The following G6PC3 variants were observed in gnomAD, a reference collection of about 807,000 sequenced individuals.
G6PC3 encodes the protein glucose-6-phosphatase 3.
Under a neutral mutation model 38.6 loss-of-function variants are expected in G6PC3, and 30 were observed. That is an observed-to-expected ratio of 0.78 (90% confidence interval 0.58 to 1.05). G6PC3 has a LOEUF of 1.05. Ranked by LOEUF, G6PC3 falls within the 50% of genes least tolerant of loss-of-function variation. The pLI is 0.00. For missense variants in G6PC3, 377 were observed against 443.1 expected, an observed-to-expected ratio of 0.85 and a Z score of 1.34; for synonymous variants, 192 against 178.1, an observed-to-expected ratio of 1.08 and a Z score of -0.62.
chr17:44,074,081 A>G, intron 1 of G6PC3, 79 bp from the exon 2 acceptor site: 3 of 941,048 alleles, frequency 3.2e-6, no homozygotes, highest in Non-Finnish European at 5.3e-6. Flanking sequence ...CCTCCAGAGT[A>G]CTCTGTGTCC....
At chr17:44,074,114 G>A (rs1343579086) in intron 1 of G6PC3, 46 bp from the exon 2 acceptor site, 1 of 1,344,870 alleles carries the variant, frequency 7.4e-7, no homozygotes, top group Non-Finnish European at 1.1e-6. Flanking sequence ...ACCCCCCCTG[G>A]CTGTGTGTGC....
intron 1 of G6PC3, chr17:44,073,867 T>A (rs901145735): frequency 1.3e-5 from 5 of 394,204 alleles, no homozygotes; most frequent in Non-Finnish European, 2.4e-5. Context: ...GTACTGGGAT[T>A]ACAGTCATGA....
At chr17:44,071,883 C>T (rs1466596296) in intron 1 of G6PC3, 1 of 386,286 alleles carries the variant, frequency 2.6e-6, no homozygotes, top group African/African-American at 2.1e-5. Flanking sequence ...TCTCTTCTTT[C>T]TCTTTCATTC....
intron 1 of G6PC3, chr17:44,072,348 G>A (rs1333324798): frequency 5.0e-5 from 2 of 40,064 alleles, no homozygotes; most frequent in African/African-American, 2.1e-4. Context: ...TTTTTTTTTT[G>A]AGACGGAGTC....
chr17:44,073,204 C>G (rs977401344), intron 1 of G6PC3: 1 of 152,242 alleles, frequency 6.6e-6, no homozygotes, highest in South Asian at 2.1e-4. Context: ...CCATTTCCCA[C>G]CCCCATTTTC....
rs865826728 is a variant in G6PC3, at chr17:44,072,973, T to G, written c.219-1187T>G. The stretch of plus-strand genomic sequence containing the variant: ...TTTCTGTGTGAGCACTTGTTGTATA[T>G]ATACTAGGCTCAGTTTTCAGAGGGG... On this transcript the variant is annotated intron_variant, in intron 1 of 5. Coordinates refer to ENST00000269097, the MANE Select transcript of G6PC3 (RefSeq NM_138387.4). 2.0e-5 allele frequency: 3 copies of G among 152,180 alleles called. No homozygotes were observed. In the South Asian group the frequency reaches 6.2e-4, roughly 32 times the overall value. 9.4% of individuals were successfully genotyped at this position (152,180 alleles called of 1,614,324 possible).
intron 1 of G6PC3, chr17:44,071,453 A>C: frequency 1.6e-6 from 1 of 617,428 alleles, no homozygotes. Context: ...TCCCATCCTC[A>C]TCTCACACTT....
At position 44,070,940 on chromosome 17, in the gene G6PC3, G is replaced by A. The variant is rs759313249; in HGVS notation, c.-26G>A. On this transcript the variant is annotated 5_prime_UTR_variant, in exon 1 of 6. Coordinates refer to ENST00000269097, the MANE Select transcript of G6PC3 (RefSeq NM_138387.4). ...TCTGGTTTCCGCCCTGGAGCAAGCC[G>A]GGGCCTGGTCGGCAGCTGGGCCGCC... is the stretch of plus-strand genomic sequence containing the variant. The A allele has an allele frequency of 4.5e-6, 7 of 1,547,370 alleles. No individual in the cohort carries two copies. The Admixed American group carries it at 1.2e-4, about 26-fold the overall frequency.
At position 44,075,729 on chromosome 17, in the gene G6PC3, G is replaced by A. The variant is rs140785361; in HGVS notation, c.727G>A (p.Val243Met). ...GTGTGAGCGGCCTGAGTGGATACAC[G>A]TGGATAGCCGGCCCTTTGCCTCCCT... is the stretch of plus-strand genomic sequence containing the variant. ...KWCERPEWIH[V>M]DSRPFASLSR... Residue 243 changes from valine (V) to methionine (M), a missense_variant, in exon 6 of 6, where the codon GTG becomes ATG. By Grantham distance (21) the Val-to-Met change is conservative. Coordinates refer to ENST00000269097, the MANE Select transcript of G6PC3 (RefSeq NM_138387.4). 8.2e-5 allele frequency: 132 copies of A among 1,612,642 alleles called. No individual in the cohort carries two copies. The highest frequency in any genetic ancestry group is 3.3e-4 in the Middle Eastern group (2 of 6,082).
chr17:44,076,012 C>T lies in G6PC3; in HGVS notation c.1010C>T (p.Ala337Val). The change falls in exon 6 of 6, where the codon GCC (alanine) becomes GTC (valine). Residue 337 changes from alanine to valine, a missense_variant. Physicochemically the swap from Ala to Val is moderately conservative, Grantham distance 64 (BLOSUM62 0). Transcript: ENST00000269097. ...CCCTGGGCAGTGCACATGTTCAGTG[C>T]CCAGGAAGCACCGCCCATCCACTCT... is the stretch of plus-strand genomic sequence containing the variant. ...LVPWAVHMFS[A>V]QEAPPIHSS 1 of 1,613,064 alleles carries T rather than the reference C, an allele frequency of 6.2e-7. No homozygotes were observed. The highest frequency in any genetic ancestry group is 8.5e-7 in the Non-Finnish European group (1 of 1,180,002).
rs766706036 is a variant in G6PC3 at position 44,074,707 on chromosome 17, C to G, written c.353C>G (p.Thr118Arg). ...PGSPSGHCMI[T>R]GAALWPIMTA... ...AGCCCTTCTGGACACTGCATGATCA[C>G]AGGAGCAGCCCTCTGGCCCATAATG... The change falls in exon 3 of 6, where the codon ACA (threonine) becomes AGA (arginine). Residue 118 changes from threonine to arginine, a missense_variant. Coordinates refer to ENST00000269097, the MANE Select transcript of G6PC3 (RefSeq NM_138387.4). 2 of 1,614,224 alleles carry G rather than the reference C, an allele frequency of 1.2e-6. No individual in the cohort carries two copies. The highest frequency in any genetic ancestry group is 1.7e-6 in the Non-Finnish European group (2 of 1,180,040).
intron 1 of G6PC3, chr17:44,072,005 C>T (rs2049988539): frequency 4.0e-6 from 1 of 250,418 alleles, no homozygotes; most frequent in South Asian, 3.9e-5. Flanking sequence ...TCACCTCAGC[C>T]TCTGTTGCCA....
chr17:44,076,154 C>A lies in G6PC3; in HGVS notation c.*111C>A. 7.1e-7 allele frequency: 1 copy of A among 1,402,864 alleles called. No individual in the cohort carries two copies. Among genetic ancestry groups the A allele is most frequent in the Non-Finnish European group, 1.0e-6 (1 of 1,002,076 alleles). The allele number at this position is 1,402,864 out of a possible 1,614,324, so 86.9% of individuals were successfully genotyped here. Reference sequence around the variant, plus strand: ...CCAGCCCCTAAGTAGGCCCTCCCCTCCCTAAATCTGCTTCCGCACCACCTG... The same window carrying A: ...CCAGCCCCTAAGTAGGCCCTCCCCTACCTAAATCTGCTTCCGCACCACCTG... On this transcript the variant is annotated 3_prime_UTR_variant, in exon 6 of 6. Coordinates refer to ENST00000269097, the MANE Select transcript of G6PC3 (RefSeq NM_138387.4).
rs1358392544 is a variant in G6PC3, at chr17:44,070,977, G to A, written c.12G>A (p.Thr4=). MES[T]LGAGIVIAEA... ...GCAGCTGGGCCGCCATGGAGTCCAC[G>A]CTGGGCGCGGGCATCGTGATAGCCG... Residue 4 remains threonine (T), a synonymous_variant, in exon 1 of 6, where the codon ACG becomes ACA. Coordinates refer to ENST00000269097, the MANE Select transcript of G6PC3 (RefSeq NM_138387.4). 6.4e-7 allele frequency: 1 copy of A among 1,553,036 alleles called. No homozygotes were observed. The highest frequency in any genetic ancestry group is 8.7e-7 in the Non-Finnish European group (1 of 1,148,012).
chr17:44,074,968 G>A lies in G6PC3; in HGVS notation c.417-1G>A, dbSNP rs763408993. 6.2e-6 allele frequency: 10 copies of A among 1,613,362 alleles called. No individual in the cohort carries two copies. The highest frequency in any genetic ancestry group is 2.7e-5 in the African/African-American group (2 of 74,924). ...GAGCTCCTTGCCTCTCTTCTTTCTA[G>A]CCGCTGGGTAAGGGTGATGCCTAGC... On this transcript the variant is annotated splice_acceptor_variant, in intron 3 of 5. Coordinates refer to ENST00000269097, the MANE Select transcript of G6PC3 (RefSeq NM_138387.4). LOFTEE classifies it high-confidence loss of function.
intron 1 of G6PC3, 64 bp from the exon 2 acceptor site, chr17:44,074,096 C>T (rs529410804): frequency 1.2e-5 from 14 of 1,144,006 alleles, no homozygotes; most frequent in African/African-American, 9.1e-5. Context: ...GTGTCCTGCC[C>T]GCCTTGTACC....
Position 44,076,056 on chromosome 17 carries a change from C to G in G6PC3, c.*13C>G, listed in dbSNP as rs1275401349. 4.3e-6 allele frequency: 7 copies of G among 1,611,860 alleles called. No homozygotes were observed. Among genetic ancestry groups the G allele is most frequent in the Non-Finnish European group, 5.9e-6 (7 of 1,180,006 alleles). On this transcript the variant is annotated 3_prime_UTR_variant, in exon 6 of 6. Coordinates refer to ENST00000269097, the MANE Select transcript of G6PC3 (RefSeq NM_138387.4). ...CCACTCTTCCTGACTTCTTGTGTGC[C>G]TCCCTTTCCTTTCCCTCCCACAAAG...
In G6PC3 at chr17:44,075,183, C is replaced by T. The variant is rs2050064148; in HGVS notation, c.535+96C>T. 3.3e-6 allele frequency: 5 copies of T among 1,493,222 alleles called. No homozygotes were observed. The East Asian group carries it at 9.0e-5, about 27-fold the overall frequency. The allele number at this position is 1,493,222 out of a possible 1,614,324, so 92.5% of individuals were successfully genotyped here. ...CCCATCGCTCCCAGCTTCTGTAGAG[C>T]CCACCCCAGAGGCCCCCCGTTATGT... On this transcript the variant is annotated intron_variant, in intron 4 of 5. Transcript: ENST00000269097.
rs748177654 is a variant in G6PC3, at chr17:44,074,734, C to T, written c.380C>T (p.Thr127Met). 11 of 1,614,066 alleles carry T rather than the reference C, an allele frequency of 6.8e-6. No individual in the cohort carries two copies. The highest frequency in any genetic ancestry group is 4.5e-5 in the East Asian group (2 of 44,860). The change falls in exon 3 of 6, where the codon ACG becomes ATG. Residue 127 changes from threonine to methionine, a missense_variant. Thr to Met is a moderately conservative substitution (Grantham distance 81). Coordinates refer to ENST00000269097, the MANE Select transcript of G6PC3 (RefSeq NM_138387.4). ...GGAGCAGCCCTCTGGCCCATAATGACGGCCCTGTCTTCGCAGGTGGCCACT... is the reference window on the plus strand; with the variant it reads ...GGAGCAGCCCTCTGGCCCATAATGATGGCCCTGTCTTCGCAGGTGGCCACT... ...ITGAALWPIM[T>M]ALSSQVATRA...
Sources: allele counts gnomAD v4.1 joint callset, GRCh38; gene constraint gnomAD v4.1.1; transcripts MANE v1.5; gene names NCBI Gene and HGNC (gene_info 2026-07-23, HGNC 2026-07-21).